The following MAP2K2 variants were observed in gnomAD, a reference collection of about 807,000 sequenced individuals.
The protein encoded by MAP2K2 is dual specificity mitogen-activated protein kinase kinase 2.
MAP2K2 carries 24 observed loss-of-function variants against 43.7 expected under a neutral mutation model. That is an observed-to-expected ratio of 0.55 (90% CI 0.40 to 0.77). The LOEUF (loss-of-function observed/expected upper bound fraction) is 0.77. Ranked by LOEUF, MAP2K2 falls within the 30% of genes least tolerant of loss-of-function variation. The pLI is 0.00. For synonymous variants in MAP2K2, 244 were observed against 239.7 expected (o/e 1.02, Z -0.17); for missense variants, 470 against 566.8 (o/e 0.83, Z 1.73).
At chr19:4,107,299 C>T (rs1168587370) in intron 3 of MAP2K2, among the ~76,000 whole-genome samples, 5 of 151,912 alleles carry the variant, frequency 3.3e-5, no homozygotes, top group East Asian at 3.9e-4. Flanking sequence ...CAGAGGCAGG[C>T]GGATCACGAG....
chr19:4,116,593 G>A (rs192008616), intron 2 of MAP2K2, among the ~76,000 whole-genome samples: 2 of 152,192 alleles, frequency 1.3e-5, no homozygotes, highest in Admixed American at 1.3e-4. Context: ...GGGCGATGTC[G>A]TCACTGTGCA....
intron 6 of MAP2K2, chr19:4,100,494 A>G (rs1429908475): frequency 6.4e-6 from 1 of 155,750 alleles, no homozygotes; most frequent in Non-Finnish European, 1.4e-5. Flanking sequence ...ACAAAAACCT[A>G]AGAGAGAATT....
chr19:4,112,499 C>T (rs1363491593), intron 2 of MAP2K2, among the ~76,000 whole-genome samples: 1 of 152,202 alleles, frequency 6.6e-6, no homozygotes, highest in East Asian at 1.9e-4. Context: ...GGAGGCTGAC[C>T]GTGGCCACAG....
In MAP2K2 at chr19:4,112,007, C is replaced by T. The variant is rs537920979; in HGVS notation, c.304-1352G>A. ...AACAACAACAACAACAAAAACACCA[C>T]GGGCAACCCCTAACCCCATGGACAA... On this transcript the variant is annotated intron_variant, in intron 2 of 10. Coordinates refer to ENST00000262948, the MANE Select transcript of MAP2K2 (RefSeq NM_030662.4). Among the ~76,000 whole-genome samples the T allele has an allele frequency of 4.6e-5, 7 of 152,222 alleles. No individual in the cohort carries two copies. In the East Asian group the frequency reaches 9.7e-4, roughly 21 times the overall value.
chr19:4,117,150 A>G (rs1179802777), intron 2 of MAP2K2, among the ~76,000 whole-genome samples: 1 of 152,138 alleles, frequency 6.6e-6, no homozygotes, highest in African/African-American at 2.4e-5. Context: ...CCCACGTGCT[A>G]GCTTTCTGGG....
At chr19:4,093,667 C>T (rs939244649) in intron 10 of MAP2K2, among the ~76,000 whole-genome samples, 6 of 151,810 alleles carry the variant, frequency 4.0e-5, no homozygotes, top group Non-Finnish European at 8.8e-5. Flanking sequence ...CCAGTCTGGG[C>T]GACAGAGTGA....
At chr19:4,102,838 C>T in intron 3 of MAP2K2, 1 of 1,195,772 alleles carries the variant, frequency 8.4e-7, no homozygotes, top group Non-Finnish European at 1.1e-6. Context: ...GTCTGTGCGC[C>T]ACGGGAGGCG....
intron 9 of MAP2K2, 23 bp downstream of exon 9, chr19:4,095,365 G>T (rs2040902674): frequency 6.5e-7 from 1 of 1,549,764 alleles, no homozygotes; most frequent in Non-Finnish European, 8.7e-7. Flanking sequence ...GGCCAGGGGT[G>T]TGGGCAGCCC....
At position 4,101,161 on chromosome 19, in the gene MAP2K2, C is replaced by A. The variant is rs372759920; in HGVS notation, c.581-18G>T. 1.5e-6 allele frequency: 2 copies of A among 1,353,066 alleles called. No individual in the cohort carries two copies. Among genetic ancestry groups the A allele is most frequent in the Non-Finnish European group, 2.0e-6 (2 of 1,018,900 alleles). The allele number at this position is 1,353,066 out of a possible 1,614,324, so 83.8% of individuals were successfully genotyped here. A position where few individuals can be genotyped will look rare whatever the true frequency, so the allele number is the denominator to read the frequency against. ...CTTCACATCTGGAGGCGGCAGGCTGCGGGTGAGGGGCGCCCAACAGTTGCC... is the reference window on the plus strand; with the variant it reads ...CTTCACATCTGGAGGCGGCAGGCTGAGGGTGAGGGGCGCCCAACAGTTGCC... On this transcript the variant is annotated intron_variant, in intron 5 of 10. Transcript: ENST00000262948. This position sits in a 1 kb window ranked among gnomAD's most constrained non-coding sequence, Gnocchi z 6.3.
intron 3 of MAP2K2, among the ~76,000 whole-genome samples, chr19:4,107,645 T>C (rs1258752442): frequency 6.6e-6 from 1 of 151,672 alleles, no homozygotes. Context: ...AGGTGGAGGC[T>C]GCAGTGAGCT....
chr19:4,108,838 C>T lies in MAP2K2; in HGVS notation c.450+1671G>A, dbSNP rs184106857. 2.9e-4 allele frequency among the ~76,000 whole-genome samples: 43 copies of T among 150,654 alleles called. 1 individual carries two copies. Among genetic ancestry groups the T allele is most frequent in the African/African-American group, 6.5e-4 (26 of 40,074 alleles). On this transcript the variant is annotated intron_variant, in intron 3 of 10. Transcript: ENST00000262948. ...CCGGGCGCGAGGAGGAGGGGGAAGA[C>T]GAGGAAGACGAGGAGGAGGAATAGG...
At chr19:4,120,214 G>A (rs376869741) in intron 1 of MAP2K2, among the ~76,000 whole-genome samples, 42 of 152,354 alleles carry the variant, frequency 2.8e-4, no homozygotes, top group African/African-American at 9.9e-4. Flanking sequence ...AGGAGCTGCT[G>A]AACAAGGACC....
At chr19:4,100,069 A>AC (rs1264613774) in intron 6 of MAP2K2, 1 of 152,938 alleles carries the variant, frequency 6.5e-6, no homozygotes, top group Non-Finnish European at 1.5e-5. Context: ...ACATGGTGAA[A>AC]CCCTGTCTCT....
chr19:4,094,283 T>C (rs114686958), intron 10 of MAP2K2, among the ~76,000 whole-genome samples, 170 bp downstream of exon 10: 295 of 152,272 alleles, frequency 1.9e-3, no homozygotes, highest in African/African-American at 6.9e-3. Context: ...CTCTCATGGA[T>C]GAGAGAGACC....
chr19:4,099,003 G>A (rs1356632369), intron 7 of MAP2K2, among the ~76,000 whole-genome samples, 198 bp downstream of exon 7: 2 of 152,258 alleles, frequency 1.3e-5, no homozygotes, highest in Admixed American at 6.5e-5. Context: ...GGACAGAACA[G>A]GTTTGGGGTG....
chr19:4,105,773 A>C (rs964051547), intron 3 of MAP2K2, among the ~76,000 whole-genome samples: 1 of 152,082 alleles, frequency 6.6e-6, no homozygotes. Context: ...TCCTTGGTTC[A>C]GGCAGTCCTC....
intron 3 of MAP2K2, among the ~76,000 whole-genome samples, chr19:4,108,164 A>G (rs2041110250): frequency 6.6e-6 from 1 of 152,170 alleles, no homozygotes; most frequent in African/African-American, 2.4e-5. Context: ...GCCCCCTTGG[A>G]TGACTTTACT....
At chr19:4,102,054 C>T (rs1737538439) in intron 4 of MAP2K2, among the ~76,000 whole-genome samples, 1 of 152,164 alleles carries the variant, frequency 6.6e-6, no homozygotes, top group South Asian at 2.1e-4. Context: ...TCCCTTTCAA[C>T]AAGCTCCTGT....
intron 3 of MAP2K2, among the ~76,000 whole-genome samples, chr19:4,109,488 G>A (rs1298886032): frequency 6.6e-6 from 1 of 152,176 alleles, no homozygotes; most frequent in Non-Finnish European, 1.5e-5. Context: ...GCCCGGGCTG[G>A]AGTGCAGTGG....
Sources: gnomAD v4.1 joint callset for allele counts (sites outside exome capture counted in the v4.1 genomes callset) on GRCh38, gnomAD v4.1.1 for gene constraint, Gnocchi (gnomAD v3.1) non-coding constraint, MANE v1.5 for transcripts, NCBI Gene and HGNC (gene_info 2026-07-23, HGNC 2026-07-21) for gene names.